Variants in SYNE2 observed in about 807,000 individuals in gnomAD.
SYNE2 encodes the protein nesprin-2.
SYNE2 carries 431 observed loss-of-function variants against 856.3 expected under a neutral mutation model. That is an observed-to-expected ratio of 0.50 (90% CI 0.47 to 0.55). The LOEUF is 0.55. Ranked by LOEUF, SYNE2 falls within the 20% of genes least tolerant of loss-of-function variation. The pLI, the probability that SYNE2 is intolerant of heterozygous loss-of-function variation, is 0.00. For missense variants in SYNE2, 8,129 were observed against 8,023.2 expected (o/e 1.01, Z -0.50); for synonymous variants, 2,923 against 2,872.3 (o/e 1.02, Z -0.56).
rs1595368227 is a variant in SYNE2 at position 64,078,493 on chromosome 14, C to G, written c.11050C>G (p.Pro3684Ala). 1 of 1,614,068 alleles carries G rather than the reference C, an allele frequency of 6.2e-7. No homozygotes were observed. The highest frequency in any genetic ancestry group is 2.2e-5 in the East Asian group (1 of 44,856). Residue 3684 changes from proline to alanine, a missense_variant, in exon 55 of 116, where the codon CCA (proline) becomes GCA (alanine). This residue lies in a region of SYNE2 where 5,410 missense variants were observed against 5,284.8 expected (regional missense o/e 1.02). Transcript: ENST00000555002. ...TAGCAATGAAGTCTTAAAAAGCTCA[C>G]CATCATATGCAATGAGGAGAAAAAT... ...KISNEVLKSS[P>A]SYAMRRKIEE... is the part of the protein sequence containing the mutation.
At chr14:63,953,310 T>C (rs546013108) in intron 7 of SYNE2, among the ~76,000 whole-genome samples, 1 of 152,240 alleles carries the variant, frequency 6.6e-6, no homozygotes, top group South Asian at 2.1e-4. Context: ...TGGGAGGCTT[T>C]ATGAAGATCT....
intron 61 of SYNE2, 92 bp downstream of exon 61, chr14:64,093,572 C>A: frequency 1.4e-6 from 2 of 1,430,064 alleles, no homozygotes; most frequent in Non-Finnish European, 2.0e-6. Flanking sequence ...AGGAGCCTTT[C>A]TAGTGGTGCA....
chr14:64,217,205 AG>A (rs1342363458), intron 108 of SYNE2, among the ~76,000 whole-genome samples: 1 of 152,140 alleles, frequency 6.6e-6, no homozygotes, highest in East Asian at 1.9e-4. Context: ...TATTTCACCT[AG>A]TAGTTGTTAA....
rs2097455868 is a variant in SYNE2 at position 64,076,029 on chromosome 14, A to G, written c.10951A>G (p.Thr3651Ala). Residue 3651 changes from threonine (T) to alanine (A), a missense_variant, in exon 54 of 116, where the codon ACC becomes GCC. Physicochemically the swap from Thr to Ala is moderately conservative, Grantham distance 58. Around this residue, in one of 3 missense-constraint regions of SYNE2, gnomAD observed 5,410 missense variants for 5,284.8 expected, o/e 1.02. Coordinates refer to ENST00000555002, the MANE Select transcript of SYNE2 (RefSeq NM_182914.3). Reference sequence around the variant, plus strand: ...GCGAATCAAGTATTCCGAAATGTACACCATAGTCCCTGCAGAGATTGAATC... The same window carrying G: ...GCGAATCAAGTATTCCGAAATGTACGCCATAGTCCCTGCAGAGATTGAATC... ...KLRIKYSEMYTIVPAEIESQV... is the reference protein window; with the variant it reads ...KLRIKYSEMYAIVPAEIESQV... 5 of 1,613,872 alleles carry G rather than the reference A, an allele frequency of 3.1e-6. No individual in the cohort carries two copies. Among genetic ancestry groups the G allele is most frequent in the African/African-American group, 1.3e-5 (1 of 74,942 alleles).
At chr14:64,121,192 C>A in intron 68 of SYNE2, 131 bp downstream of exon 68, 2 of 1,280,814 alleles carry the variant, frequency 1.6e-6, no homozygotes, top group East Asian at 2.5e-5. Flanking sequence ...GTGTTCGAGG[C>A]CAGCCTGGGC....
intron 45 of SYNE2, among the ~76,000 whole-genome samples, chr14:64,037,425 TTTCAGA>T (rs1295263589): frequency 6.6e-6 from 1 of 151,914 alleles, no homozygotes; most frequent in African/African-American, 2.4e-5. Flanking sequence ...ACAGCACATG[TTTCAGA>T]GAGCACAGGG....
At chr14:63,920,172 G>T (rs1157933172) in intron 2 of SYNE2, among the ~76,000 whole-genome samples, 1 of 151,914 alleles carries the variant, frequency 6.6e-6, no homozygotes, top group Admixed American at 6.6e-5. Flanking sequence ...CTTCTAAAAT[G>T]TATCCTCTGA....
chr14:64,051,935 TAC>T lies in SYNE2; in HGVS notation c.8023_8024del (p.Thr2675GlnfsTer12). ...TTGCCTTGACCACTGACCTCCAGGC[TAC>T]CAAGCATGGATTTTCTGTTTTAAAG... The part of the protein sequence containing the change: ...MIALTTDLQA[T>X]KHGFSVLKGQ... On this transcript the variant is annotated frameshift_variant, in exon 48 of 116. Transcript: ENST00000555002. LOFTEE classifies it high-confidence loss of function. The T allele has an allele frequency of 6.2e-7, 1 of 1,613,840 alleles. No homozygotes were observed. Among genetic ancestry groups the T allele is most frequent in the Non-Finnish European group, 8.5e-7 (1 of 1,180,024 alleles).
rs771074527 is a variant in SYNE2 at position 64,074,042 on chromosome 14, A to G, written c.10772A>G (p.Glu3591Gly). 1.2e-6 allele frequency: 2 copies of G among 1,614,200 alleles called. No individual in the cohort carries two copies. Among genetic ancestry groups the G allele is most frequent in the Non-Finnish European group, 1.7e-6 (2 of 1,179,994 alleles). ...CAAGAAAGACATTCCTTCACAAAAG[A>G]GATAATTGCTTTGAAGAATTTCTTT... ...EIQERHSFTK[E>G]IIALKNFFQQ... Residue 3591 changes from glutamate (E) to glycine (G), a missense_variant, in exon 53 of 116, where the codon GAG (glutamate) becomes GGG (glycine). Around this residue, in one of 3 missense-constraint regions of SYNE2, gnomAD observed 5,410 missense variants for 5,284.8 expected, o/e 1.02. Transcript: ENST00000555002.
At chr14:64,151,953 G>T (rs973888337) in intron 84 of SYNE2, among the ~76,000 whole-genome samples, 1 of 152,190 alleles carries the variant, frequency 6.6e-6, no homozygotes, top group Non-Finnish European at 1.5e-5. Context: ...ATTCATCTCT[G>T]TTTTCAGACT....
At chr14:64,048,863 T>C (rs1394287732) in intron 46 of SYNE2, 1 of 151,250 alleles carries the variant, frequency 6.6e-6, no homozygotes, top group Non-Finnish European at 1.5e-5. Context: ...GAGGTGAGAT[T>C]GTGGCACTGC....
At chr14:64,103,353 C>CTTTT (rs61101192) in intron 64 of SYNE2, among the ~76,000 whole-genome samples, 3 of 138,982 alleles carry the variant, frequency 2.2e-5, no homozygotes, top group African/African-American at 2.6e-5. Context: ...TCTCCATAAT[C>CTTTT]TTTTTTTTTT....
upstream of SYNE2, among the ~76,000 whole-genome samples, chr14:63,850,440 G>A (rs1890372396): frequency 6.6e-6 from 1 of 151,964 alleles, no homozygotes; most frequent in Non-Finnish European, 1.5e-5. Flanking sequence ...ATGGAAGAGT[G>A]TACGCATGGC....
intron 1 of SYNE2, among the ~76,000 whole-genome samples, chr14:63,809,296 G>A (rs1888518986): frequency 6.6e-6 from 1 of 151,038 alleles, no homozygotes; most frequent in South Asian, 2.1e-4. Context: ...GCCTCATGTT[G>A]TTTTTCTAAG....
At chr14:64,000,830 A>G in intron 28 of SYNE2, 111 bp downstream of exon 28, 1 of 985,834 alleles carries the variant, frequency 1.0e-6, no homozygotes, top group South Asian at 1.4e-5. Flanking sequence ...TTTGGATGTC[A>G]CAACAACAGT....
chr14:63,909,301 C>T (rs764674212), intron 2 of SYNE2, 74 bp downstream of exon 2: 8 of 989,100 alleles, frequency 8.1e-6, no homozygotes, highest in Non-Finnish European at 1.3e-5. Context: ...GCAAGTCACA[C>T]TGATTTTCGT....
intron 70 of SYNE2, 185 bp downstream of exon 70, chr14:64,122,612 C>A: frequency 1.4e-6 from 1 of 711,480 alleles, no homozygotes; most frequent in Non-Finnish European, 2.4e-6. Context: ...TCTGTAGCAC[C>A]CAGGGCTTCC....
chr14:63,780,692 T>G (rs920804108), intron 1 of SYNE2, among the ~76,000 whole-genome samples: 10 of 152,048 alleles, frequency 6.6e-5, no homozygotes, highest in Non-Finnish European at 7.4e-5. Flanking sequence ...AATATAAAAC[T>G]GTTTGAGAAG....
At chr14:64,023,028 A>G in intron 38 of SYNE2, 165 bp downstream of exon 38, 1 of 609,290 alleles carries the variant, frequency 1.6e-6, no homozygotes. Flanking sequence ...CAAGAGTTCG[A>G]GACCAGCCTG....
Sources: gnomAD v4.1 joint callset for allele counts (sites outside exome capture counted in the v4.1 genomes callset) on GRCh38, gnomAD v4.1.1 for gene constraint, gnomAD v4.1.1 regional missense constraint, MANE v1.5 for transcripts, NCBI Gene and HGNC (gene_info 2026-07-23, HGNC 2026-07-21) for gene names.